Variants in MYBL1 observed in about 807,000 individuals in gnomAD.
The protein encoded by MYBL1 is myb-related protein A.
In MYBL1, 17 loss-of-function variants were observed where a neutral mutation model predicts 96.3. That is an observed-to-expected ratio of 0.18 (90% confidence interval 0.12 to 0.26). The LOEUF (loss-of-function observed/expected upper bound fraction) is 0.26. Among genes scored for constraint, MYBL1 ranks in the 10% least tolerant of loss-of-function variants. The pLI, the probability that MYBL1 is intolerant of heterozygous loss-of-function variation, is 1.00. For synonymous variants in MYBL1, 282 were observed against 292.7 expected, an observed-to-expected ratio of 0.96 and a Z score of 0.37; for missense variants, 701 against 882.9, an observed-to-expected ratio of 0.79 and a Z score of 2.61.
At chr8:66,565,394 G>A (rs545327774) in intron 15 of MYBL1, 8 of 152,322 alleles carry the variant, frequency 5.3e-5, no homozygotes, top group African/African-American at 1.9e-4. Context: ...AAGAGAATGT[G>A]CTACATGGCT....
At chr8:66,590,488 G>C (rs1809593785) in intron 8 of MYBL1, among the ~76,000 whole-genome samples, 1 of 151,788 alleles carries the variant, frequency 6.6e-6, no homozygotes, top group Non-Finnish European at 1.5e-5. Flanking sequence ...CGGGCATGTT[G>C]GTACATGCCT....
intron 5 of MYBL1, among the ~76,000 whole-genome samples, chr8:66,596,548 T>A (rs1197106510): frequency 6.6e-6 from 1 of 152,092 alleles, no homozygotes; most frequent in African/African-American, 2.4e-5. Context: ...GAATAAAAAA[T>A]TTAACACTAT....
intron 1 of MYBL1, chr8:66,612,351 G>C (rs1810562925): frequency 6.1e-6 from 1 of 165,162 alleles, no homozygotes; most frequent in African/African-American, 2.4e-5. Context: ...TTTCAAGATA[G>C]CCAAGTTGGC....
rs568748605 is a variant in MYBL1 at position 66,578,527 on chromosome 8, T to C, written c.1101+1606A>G. 8.0e-3 allele frequency among the ~76,000 whole-genome samples: 1,216 copies of C among 151,782 alleles called. 15 individuals are homozygous for C. The highest frequency in any genetic ancestry group is 0.027 in the African/African-American group (1,109 of 41,414). On this transcript the variant is annotated intron_variant, in intron 9 of 15. Coordinates refer to ENST00000522677, the MANE Select transcript of MYBL1 (RefSeq NM_001080416.4). ...AGAGAAATGCAAATCAAAACCACAA[T>C]GAGATACCATCTCACACCAGTTAGA...
At chr8:66,568,854 G>A (rs186742153) in intron 12 of MYBL1, among the ~76,000 whole-genome samples, 2 of 151,738 alleles carry the variant, frequency 1.3e-5, no homozygotes, top group African/African-American at 2.4e-5. Flanking sequence ...GTGAAACCCC[G>A]TCTCTACTAA....
chr8:66,582,541 CAAAAAAAA>C (rs34952299), intron 8 of MYBL1, among the ~76,000 whole-genome samples: 23 of 48,266 alleles, frequency 4.8e-4, no homozygotes, highest in Non-Finnish European at 6.1e-4. Context: ...TCCATCTCTA[CAAAAAAAA>C]AAAAAAAAAA....
intron 9 of MYBL1, 114 bp downstream of exon 9, chr8:66,580,019 A>C: frequency 1.3e-6 from 1 of 769,464 alleles, no homozygotes; most frequent in South Asian, 2.2e-5. Flanking sequence ...ATCAGAACAA[A>C]ATTAAGCATG....
chr8:66,597,238 TA>T, intron 5 of MYBL1, 91 bp downstream of exon 5: 1 of 906,012 alleles, frequency 1.1e-6, no homozygotes, highest in Non-Finnish European at 1.6e-6. Context: ...ATTTAAAAAA[TA>T]AGTCATCGGG....
At chr8:66,606,731 C>T (rs1246434876) in intron 1 of MYBL1, among the ~76,000 whole-genome samples, 1 of 152,154 alleles carries the variant, frequency 6.6e-6, no homozygotes, top group African/African-American at 2.4e-5. Context: ...GTTCGCTCTC[C>T]CTGAAGCCAT....
chr8:66,590,601 C>CA (rs983941485), intron 8 of MYBL1, among the ~76,000 whole-genome samples: 2,737 of 64,952 alleles, frequency 0.042, 42 homozygotes, highest in Middle Eastern at 0.1. Context: ...CTTAGCTAAT[C>CA]AAAAAAAAAA....
At chr8:66,586,045 T>A (rs1168655257) in intron 8 of MYBL1, among the ~76,000 whole-genome samples, 2 of 145,038 alleles carry the variant, frequency 1.4e-5, no homozygotes. Flanking sequence ...TTTTGGTGTT[T>A]TTTTTTTTTT....
Position 66,613,019 on chromosome 8 carries a change from A to G in MYBL1, c.-181T>C. The stretch of plus-strand genomic sequence containing the variant: ...GGAGGGACAGCGGGGGCGGACCGCG[A>G]CCCGACCCCGACCCCGGCCCGCAGC... On this transcript the variant is annotated 5_prime_UTR_variant, in exon 1 of 16. Coordinates refer to ENST00000522677, the MANE Select transcript of MYBL1 (RefSeq NM_001080416.4). 3.3e-6 allele frequency: 2 copies of G among 615,272 alleles called. No homozygotes were observed. The highest frequency in any genetic ancestry group is 4.8e-6 in the Non-Finnish European group (2 of 419,160). The allele number at this position is 615,272 out of a possible 1,614,324, so 38.1% of individuals were successfully genotyped here.
At position 66,566,327 on chromosome 8, in the gene MYBL1, G is replaced by A. The variant is rs1808501569; in HGVS notation, c.1951-84C>T. The A allele has an allele frequency of 7.9e-6, 6 of 759,294 alleles. No individual in the cohort carries two copies. In the East Asian group the frequency reaches 1.8e-4, roughly 23 times the overall value. 47.0% of individuals were successfully genotyped at this position (759,294 alleles called of 1,614,324 possible). ...GACTACTGAGTAAGTGGTAATGGAA[G>A]CCCTGTTTATTTCCCTCCAAGAAAG... On this transcript the variant is annotated intron_variant, in intron 14 of 15. Coordinates refer to ENST00000522677, the MANE Select transcript of MYBL1 (RefSeq NM_001080416.4).
chr8:66,593,915 C>T (rs1159933528), intron 6 of MYBL1, among the ~76,000 whole-genome samples: 3 of 151,936 alleles, frequency 2.0e-5, no homozygotes, highest in African/African-American at 4.8e-5. Flanking sequence ...GGGGTATGGT[C>T]GCTTGAGCCC....
chr8:66,580,669 G>A (rs1487616081), intron 8 of MYBL1, among the ~76,000 whole-genome samples: 1 of 152,034 alleles, frequency 6.6e-6, no homozygotes, highest in Non-Finnish European at 1.5e-5. Context: ...TTCTACTCAA[G>A]AGCTATATAT....
chr8:66,566,363 T>C (rs568302847), intron 14 of MYBL1, 120 bp from the exon 15 acceptor site: 5 of 575,632 alleles, frequency 8.7e-6, no homozygotes, highest in Non-Finnish European at 1.4e-5. Context: ...CATTTGGCTC[T>C]GATGAAATTT....
At position 66,566,926 on chromosome 8, in the gene MYBL1, G is replaced by C. The variant is rs747574819; in HGVS notation, c.1795C>G (p.Leu599Val). 6 of 1,613,310 alleles carry C rather than the reference G, an allele frequency of 3.7e-6. No individual in the cohort carries two copies. Among genetic ancestry groups the C allele is most frequent in the Non-Finnish European group, 4.2e-6 (5 of 1,179,576 alleles). The change falls in exon 13 of 16, where the codon CTA becomes GTA. Residue 599 changes from leucine (L) to valine (V), a missense_variant. Coordinates refer to ENST00000522677, the MANE Select transcript of MYBL1 (RefSeq NM_001080416.4). ...EVLKEETGTD[L>V]FLKEEDEPAY... ...GGTTCATCTTCCTCTTTGAGGAATA[G>C]GTCTGTTCCAGTTTCTTCTTTTAAA...
In MYBL1 at chr8:66,562,406, A is replaced by G. The variant is rs192716760; in HGVS notation, c.*2291T>C. The G allele has an allele frequency of 6.5e-6, 1 of 152,726 alleles. No homozygotes were observed. The highest frequency in any genetic ancestry group is 6.5e-5 in the Admixed American group (1 of 15,296). 9.5% of individuals were successfully genotyped at this position (152,726 alleles called of 1,614,324 possible). ...GCATTTGTATAACATACTGAAAGAA[A>G]CTCAGAGGAACAAAACAGTATAAAG... On this transcript the variant is annotated 3_prime_UTR_variant, in exon 16 of 16. Transcript: ENST00000522677.
chr8:66,582,009 A>G (rs1399281231), intron 8 of MYBL1, among the ~76,000 whole-genome samples: 2 of 152,220 alleles, frequency 1.3e-5, no homozygotes, highest in African/African-American at 4.8e-5. Context: ...AAAATATGTA[A>G]AAGTATAAAA....
Sources: allele counts gnomAD v4.1 joint callset (sites outside exome capture counted in the v4.1 genomes callset), GRCh38; gene constraint gnomAD v4.1.1; transcripts MANE v1.5; gene names NCBI Gene and HGNC (gene_info 2026-07-23, HGNC 2026-07-21).